The following PDK1 variants were observed in gnomAD, a reference collection of about 807,000 sequenced individuals.
The protein encoded by PDK1 is [Pyruvate dehydrogenase (acetyl-transferring)] kinase isozyme 1, mitochondrial.
In PDK1, 39 loss-of-function variants were observed where a neutral mutation model predicts 54.2. The observed-to-expected ratio is 0.72, with a 90% confidence interval of 0.56 to 0.94. The LOEUF (loss-of-function observed/expected upper bound fraction) is 0.94, where lower values mean the gene tolerates loss of function less well. Ranked by LOEUF, PDK1 falls within the 40% of genes least tolerant of loss-of-function variation. PDK1 has a pLI of 0.00. For missense variants in PDK1, 552 were observed against 566.0 expected, an observed-to-expected ratio of 0.98 and a Z score of 0.25; for synonymous variants, 221 against 207.1, an observed-to-expected ratio of 1.07 and a Z score of -0.58.
chr2:172,648,408 C>CTG, the PDK1 span, among the ~76,000 whole-genome samples: 9 of 152,164 alleles, frequency 5.9e-5, no homozygotes, highest in Admixed American at 5.9e-4. Flanking sequence ...AGGAACAGCT[C>CTG]CAGTCTGCAG....
chr2:172,714,608 T>C, the PDK1 span, among the ~76,000 whole-genome samples: 1 of 133,316 alleles, frequency 7.5e-6, no homozygotes, highest in East Asian at 2.0e-4. Flanking sequence ...AAATGTATTA[T>C]TAAATTTGAT....
the PDK1 span, among the ~76,000 whole-genome samples, chr2:172,718,522 T>A: frequency 6.6e-6 from 1 of 152,370 alleles, no homozygotes; most frequent in South Asian, 2.1e-4. Flanking sequence ...AATATAGCAT[T>A]CAGAGTAATT....
At chr2:172,583,024 A>G (rs150008609) in intron 8 of PDK1, among the ~76,000 whole-genome samples, 2 of 152,322 alleles carry the variant, frequency 1.3e-5, no homozygotes, top group Non-Finnish European at 2.9e-5. Context: ...ACCAGGAAAT[A>G]TTTACTCAAG....
At chr2:172,721,392 G>A in the PDK1 span, among the ~76,000 whole-genome samples, 2 of 152,130 alleles carry the variant, frequency 1.3e-5, no homozygotes, top group Admixed American at 6.5e-5. Flanking sequence ...CCAGGCTGGA[G>A]TGCAGTGGCA....
At chr2:172,611,995 TG>T (rs1691477994), downstream of PDK1, among the ~76,000 whole-genome samples, 2 of 152,222 alleles carry the variant, frequency 1.3e-5, no homozygotes, top group Non-Finnish European at 2.9e-5. Flanking sequence ...AAGAAATACA[TG>T]GCTAGAAATG....
intron 1 of PDK1, among the ~76,000 whole-genome samples, chr2:172,556,917 G>T (rs557609146): frequency 2.2e-4 from 33 of 152,354 alleles, no homozygotes; most frequent in African/African-American, 7.2e-4. Flanking sequence ...ACAAGATGCT[G>T]TGAAGTTTAT....
downstream of PDK1, among the ~76,000 whole-genome samples, chr2:172,610,573 G>A (rs1346229687): frequency 6.6e-6 from 1 of 152,098 alleles, no homozygotes; most frequent in Admixed American, 6.6e-5. Context: ...TGTATTATCA[G>A]TGTAATCAAT....
chr2:172,635,558 T>C, the PDK1 span, among the ~76,000 whole-genome samples: 1 of 152,190 alleles, frequency 6.6e-6, no homozygotes, highest in African/African-American at 2.4e-5. Context: ...TCAAGTGATT[T>C]ACCTTCCTTG....
the PDK1 span, among the ~76,000 whole-genome samples, chr2:172,694,879 G>A: frequency 6.6e-6 from 1 of 152,206 alleles, no homozygotes; most frequent in Non-Finnish European, 1.5e-5. Context: ...CACTTTGGTA[G>A]ACCAAGGCGG....
rs1691278134 is a variant in PDK1, at chr2:172,605,971, A to C, written c.*10002A>C. The C allele has an allele frequency of 6.6e-6, 1 of 151,842 alleles. No homozygotes were observed. The highest frequency in any genetic ancestry group is 2.1e-4 in the South Asian group (1 of 4,824). The allele number at this position is 151,842 out of a possible 1,614,324, so 9.4% of individuals were successfully genotyped here. On this transcript the variant is annotated 3_prime_UTR_variant, in exon 11 of 11. Coordinates refer to ENST00000282077, the MANE Select transcript of PDK1 (RefSeq NM_002610.5). ...CCAATCACTATTCTTCCCAAACTCC[A>C]TGAGCCAGATTTTATACATACTTTG...
At position 172,564,620 on chromosome 2, in the gene PDK1, T is replaced by C. The variant is rs141025768; in HGVS notation, c.528T>C (p.Asn176=). The C allele has an allele frequency of 4.2e-4, 673 of 1,614,076 alleles. No homozygotes were observed. The highest frequency in any genetic ancestry group is 5.4e-4 in the Non-Finnish European group (634 of 1,180,006). Residue 176 remains asparagine, a synonymous_variant, in exon 4 of 11, where the codon AAT becomes AAC. Transcript: ENST00000282077. ...GGGTGGATCCTGTCACCAGCCAGAA[T>C]GTTCAGTACTTTTTGGATCGATTCT... ...SFGVDPVTSQ[N]VQYFLDRFYM... is the part of the protein sequence containing the mutation.
At chr2:172,666,372 C>T in the PDK1 span, among the ~76,000 whole-genome samples, 1 of 152,170 alleles carries the variant, frequency 6.6e-6, no homozygotes, top group African/African-American at 2.4e-5. Context: ...ATAAATAGCA[C>T]TCAAACATAA....
At chr2:172,712,262 T>C in the PDK1 span, among the ~76,000 whole-genome samples, 1 of 152,240 alleles carries the variant, frequency 6.6e-6, no homozygotes, top group Non-Finnish European at 1.5e-5. Context: ...ATTTAACATA[T>C]AATGTGGCTT....
At chr2:172,639,033 T>A in the PDK1 span, among the ~76,000 whole-genome samples, 34 of 152,150 alleles carry the variant, frequency 2.2e-4, no homozygotes, top group African/African-American at 7.5e-4. Flanking sequence ...TTTAAAAAAA[T>A]TTTATTTTTT....
At chr2:172,560,066 A>G (rs547554318) in intron 2 of PDK1, among the ~76,000 whole-genome samples, 2 of 152,276 alleles carry the variant, frequency 1.3e-5, no homozygotes, top group South Asian at 4.1e-4. Context: ...GCTGGCCTCA[A>G]ACTCCGGAGG....
At chr2:172,660,472 G>T in the PDK1 span, among the ~76,000 whole-genome samples, 1 of 151,350 alleles carries the variant, frequency 6.6e-6, no homozygotes, top group South Asian at 2.1e-4. Flanking sequence ...GCCCAGGCTG[G>T]TCTCGCACTC....
Position 172,599,701 on chromosome 2 carries a change from A to G in PDK1, c.*3732A>G, listed in dbSNP as rs1031619786. On this transcript the variant is annotated 3_prime_UTR_variant, in exon 11 of 11. Coordinates refer to ENST00000282077, the MANE Select transcript of PDK1 (RefSeq NM_002610.5). ...CATAAACTACTGTACCTTCTGTTCT[A>G]TTGACATGTTTGGAAAAAAGAATTG... The G allele has an allele frequency of 6.6e-6, 1 of 152,156 alleles. No individual in the cohort carries two copies. Among genetic ancestry groups the G allele is most frequent in the African/African-American group, 2.4e-5 (1 of 41,448 alleles). The allele number at this position is 152,156 out of a possible 1,614,324, so 9.4% of individuals were successfully genotyped here. A position where few individuals can be genotyped will look rare whatever the true frequency, so the allele number is the denominator to read the frequency against.
intron 8 of PDK1, 71 bp from the exon 9 acceptor site, chr2:172,586,207 C>CCAT: frequency 8.3e-6 from 7 of 842,662 alleles, no homozygotes; most frequent in Non-Finnish European, 1.4e-5. Flanking sequence ...AACTGTGATG[C>CCAT]TATGAGTATG....
rs996270562 is a variant in PDK1, at chr2:172,586,342, C to T, written c.1010C>T (p.Ser337Leu). 1 of 1,612,860 alleles carries T rather than the reference C, an allele frequency of 6.2e-7. No individual in the cohort carries two copies. The highest frequency in any genetic ancestry group is 1.3e-5 in the African/African-American group (1 of 74,962). ...GACAGACTTTTCAACTACATGTATTCAACTGCACCAAGACCTCGTGTTGAG... is the reference window on the plus strand; with the variant it reads ...GACAGACTTTTCAACTACATGTATTTAACTGCACCAAGACCTCGTGTTGAG... The part of the protein sequence containing the change: ...KIDRLFNYMY[S>L]TAPRPRVETS... Residue 337 changes from serine (S) to leucine (L), a missense_variant, in exon 9 of 11, where the codon TCA becomes TTA. By Grantham distance (145) the Ser-to-Leu change is moderately radical (BLOSUM62 -2). Coordinates refer to ENST00000282077, the MANE Select transcript of PDK1 (RefSeq NM_002610.5).
Sources: gnomAD v4.1 joint callset for allele counts (sites outside exome capture counted in the v4.1 genomes callset) on GRCh38, gnomAD v4.1.1 for gene constraint, MANE v1.5 for transcripts, NCBI Gene and HGNC (gene_info 2026-07-23, HGNC 2026-07-21) for gene names.